CLVS1: variants seen among roughly 807,000 people sequenced by gnomAD.
CLVS1 encodes the protein clavesin-1.
Under a neutral mutation model 33.1 loss-of-function variants are expected in CLVS1, and 10 were observed. The ratio of observed to expected loss-of-function variants is 0.30; its 90% CI spans 0.19 to 0.51. CLVS1 has a LOEUF of 0.51. Among genes scored for constraint, CLVS1 ranks in the 20% least tolerant of loss-of-function variants. CLVS1 has a pLI of 0.97. For missense variants in CLVS1, 343 were observed against 433.4 expected (o/e 0.79, Z 1.85); for synonymous variants, 163 against 166.1 (o/e 0.98, Z 0.14).
chr8:61,360,795 C>T (rs1812942122), intron 2 of CLVS1, among the ~76,000 whole-genome samples: 1 of 152,142 alleles, frequency 6.6e-6, no homozygotes, highest in Non-Finnish European at 1.5e-5. Context: ...TTTGTGACGA[C>T]TTGCTTAAAT....
chr8:61,472,590 C>T (rs994812190), intron 5 of CLVS1, among the ~76,000 whole-genome samples: 4 of 152,128 alleles, frequency 2.6e-5, no homozygotes, highest in Admixed American at 2.6e-4. Context: ...TATCAGTAAC[C>T]AACTCCTTAG....
chr8:61,430,591 G>C (rs185505904), intron 3 of CLVS1, among the ~76,000 whole-genome samples: 1 of 152,198 alleles, frequency 6.6e-6, no homozygotes, highest in African/African-American at 2.4e-5. Context: ...CCTTGCTTAG[G>C]ATCAGAGGAA....
chr8:61,011,689 C>T, the CLVS1 span, among the ~76,000 whole-genome samples: 2 of 152,194 alleles, frequency 1.3e-5, no homozygotes, highest in Non-Finnish European at 2.9e-5. Context: ...CCTCGTGATT[C>T]ACCCACCTCG....
At chr8:61,148,139 T>C (rs943581463) in intron 2 of CLVS1, among the ~76,000 whole-genome samples, 1 of 152,234 alleles carries the variant, frequency 6.6e-6, no homozygotes, top group African/African-American at 2.4e-5. Flanking sequence ...CTTTATTCTT[T>C]GGGTCCTGAA....
At chr8:61,474,991 C>T (rs1817866083) in intron 5 of CLVS1, among the ~76,000 whole-genome samples, 1 of 152,108 alleles carries the variant, frequency 6.6e-6, no homozygotes, top group Admixed American at 6.6e-5. Flanking sequence ...GTTCCCCTTC[C>T]TGTGTCCATG....
At chr8:60,996,735 G>A in the CLVS1 span, among the ~76,000 whole-genome samples, 1 of 152,164 alleles carries the variant, frequency 6.6e-6, no homozygotes, top group Non-Finnish European at 1.5e-5. Flanking sequence ...GTTAATGACT[G>A]TGAGCAAGGA....
intron 2 of CLVS1, among the ~76,000 whole-genome samples, chr8:61,351,486 T>C (rs2129598992): frequency 6.6e-6 from 1 of 152,158 alleles, no homozygotes; most frequent in Admixed American, 6.6e-5. Context: ...AGGATCAGCA[T>C]TCCAGAGGGA....
intron 2 of CLVS1, among the ~76,000 whole-genome samples, chr8:61,328,737 C>G (rs1052949312): frequency 1.3e-5 from 2 of 152,116 alleles, no homozygotes; most frequent in Non-Finnish European, 2.9e-5. Flanking sequence ...TTCCCACTTA[C>G]GTTGGTTGTC....
the CLVS1 span, among the ~76,000 whole-genome samples, chr8:61,008,495 C>A: frequency 7.0e-5 from 10 of 143,862 alleles, no homozygotes; most frequent in Non-Finnish European, 1.0e-4. Flanking sequence ...GAGCTAGGAT[C>A]TCACTATGTT....
chr8:61,302,733 T>C (rs1810481091), intron 2 of CLVS1, among the ~76,000 whole-genome samples: 1 of 152,232 alleles, frequency 6.6e-6, no homozygotes, highest in South Asian at 2.1e-4. Context: ...AGGAACTACC[T>C]GAGACTGGGT....
chr8:61,415,920 T>C (rs1378187844), intron 3 of CLVS1, among the ~76,000 whole-genome samples: 1 of 152,190 alleles, frequency 6.6e-6, no homozygotes, highest in East Asian at 1.9e-4. Flanking sequence ...AACAAAAAGT[T>C]TGGAGACCCC....
At chr8:61,273,178 G>A (rs2129592816) in intron 2 of CLVS1, among the ~76,000 whole-genome samples, 1 of 149,332 alleles carries the variant, frequency 6.7e-6, no homozygotes, top group African/African-American at 2.5e-5. Flanking sequence ...TGGTGTGGAT[G>A]TCCTTTCTGT....
intron 2 of CLVS1, among the ~76,000 whole-genome samples, chr8:61,369,165 T>C (rs573074607): frequency 8.5e-5 from 13 of 152,344 alleles, no homozygotes; most frequent in African/African-American, 3.1e-4. Context: ...CCAATTTTGC[T>C]GAGAAAAGTG....
intron 1 of CLVS1, among the ~76,000 whole-genome samples, chr8:61,066,662 C>T (rs1238721240): frequency 6.6e-6 from 1 of 152,198 alleles, no homozygotes; most frequent in Non-Finnish European, 1.5e-5. Flanking sequence ...CCCTGTGGGT[C>T]AACGGAGGTT....
chr8:61,460,819 C>T (rs1254836463), intron 5 of CLVS1, among the ~76,000 whole-genome samples: 3 of 152,232 alleles, frequency 2.0e-5, no homozygotes, highest in Non-Finnish European at 2.9e-5. Flanking sequence ...AGCACTGCCA[C>T]CTCTTGGTAA....
At chr8:61,267,316 T>A (rs991091946) in intron 2 of CLVS1, among the ~76,000 whole-genome samples, 2 of 152,176 alleles carry the variant, frequency 1.3e-5, no homozygotes, top group African/African-American at 4.8e-5. Context: ...TATGTATTTA[T>A]AATTTTATAA....
intron 2 of CLVS1, among the ~76,000 whole-genome samples, chr8:61,177,984 T>C (rs936021900): frequency 5.3e-5 from 8 of 152,030 alleles, no homozygotes; most frequent in Non-Finnish European, 1.2e-4. Context: ...CAGAACTGTA[T>C]GGAGAATGAG....
the CLVS1 span, among the ~76,000 whole-genome samples, chr8:60,995,633 A>G: frequency 6.6e-6 from 1 of 152,186 alleles, no homozygotes; most frequent in Admixed American, 6.5e-5. Flanking sequence ...AACTAGAAAT[A>G]CCATTTGACC....
At chr8:61,447,964 T>C (rs1585987838) in intron 3 of CLVS1, among the ~76,000 whole-genome samples, 1 of 152,108 alleles carries the variant, frequency 6.6e-6, no homozygotes, top group Non-Finnish European at 1.5e-5. Context: ...ATTTGCTTAG[T>C]TTTCCTTAAC....
Sources: allele counts gnomAD v4.1 joint callset (sites outside exome capture counted in the v4.1 genomes callset), GRCh38; gene constraint gnomAD v4.1.1; transcripts MANE v1.5; gene names NCBI Gene and HGNC (gene_info 2026-07-23, HGNC 2026-07-21).